The following GNAT2 variants were observed in gnomAD, a reference collection of about 807,000 sequenced individuals.
The protein encoded by GNAT2 is G protein subunit alpha transducin 2.
GNAT2 carries 32 observed loss-of-function variants against 40.9 expected under a neutral mutation model. The ratio of observed to expected loss-of-function variants is 0.78; its 90% CI spans 0.59 to 1.05. The LOEUF is 1.05. GNAT2 is among the 50% of genes least tolerant of loss of function. The pLI is 0.00. For missense variants in GNAT2, 355 were observed against 431.5 expected, an observed-to-expected ratio of 0.82 and a Z score of 1.57; for synonymous variants, 141 against 157.2, an observed-to-expected ratio of 0.90 and a Z score of 0.77.
chr1:109,616,820 A>C (rs1039839111), intron 1 of GNAT2: 1 of 152,260 alleles, frequency 6.6e-6, no homozygotes, highest in African/African-American at 2.4e-5. Context: ...ATGAAAAAAG[A>C]GGTAGAGGCA....
At position 109,610,407 on chromosome 1, in the gene GNAT2, A is replaced by C. The variant is rs538720887; in HGVS notation, c.161+58T>G. On this transcript the variant is annotated intron_variant, in intron 3 of 8. Transcript: ENST00000679935. ...AGAGCCTTTCACTTTGAATACCTCC[A>C]CTGGCTGTACTGACTTCTTCACCCT... 29 of 1,517,090 alleles carry C rather than the reference A, an allele frequency of 1.9e-5. No homozygotes were observed. The South Asian group carries it at 3.1e-4, about 16-fold the overall frequency. 94.0% of individuals were successfully genotyped at this position (1,517,090 alleles called of 1,614,324 possible).
chr1:109,612,802 C>A lies in GNAT2; in HGVS notation c.69G>T (p.Leu23=), dbSNP rs1649837486. Residue 23 remains leucine (L), a synonymous_variant, in exon 2 of 9, where the codon CTG becomes CTT. Coordinates refer to ENST00000679935, the MANE Select transcript of GNAT2 (RefSeq NM_001377295.2). ...TGGCTTCCTTATCAGCATCCTCCTG[C>A]AGCTTCTTTTCTAGCTCCTTGGACC... ...AKRSKELEKK[L]QEDADKEAKT... 6.2e-7 allele frequency: 1 copy of A among 1,613,358 alleles called. No individual in the cohort carries two copies. Among genetic ancestry groups the A allele is most frequent in the Non-Finnish European group, 8.5e-7 (1 of 1,179,286 alleles).
At position 109,610,476 on chromosome 1, in the gene GNAT2, G is replaced by A; in HGVS notation, c.150C>T (p.Val50=). 6.2e-7 allele frequency: 1 copy of A among 1,613,852 alleles called. No individual in the cohort carries two copies. Among genetic ancestry groups the A allele is most frequent in the Non-Finnish European group, 8.5e-7 (1 of 1,179,814 alleles). The change falls in exon 3 of 9, where the codon GTC becomes GTT. Residue 50 remains valine (V), a synonymous_variant. Transcript: ENST00000679935. ...TTGTTTCTACTCACTTCATCTGTTT[G>A]ACGATGGTGCTCTTTCCTGACTCCC... ...GAGESGKSTI[V]KQMKIIHQDG... is the part of the protein sequence containing the mutation.
Position 109,604,051 on chromosome 1 carries a change from G to T in GNAT2, c.774C>A (p.Phe258Leu), listed in dbSNP as rs1218328685. ...HLFNSICNHKFFAATSIVLFL... is the reference protein window; with the variant it reads ...HLFNSICNHKLFAATSIVLFL... ...AGAGGACAATGGAAGTAGCCGCAAA[G>T]AATTTGTGGTTACATATGCTGTTGA... Residue 258 changes from phenylalanine (F) to leucine (L), a missense_variant, in exon 8 of 9, where the codon TTC (phenylalanine) becomes TTA (leucine). Coordinates refer to ENST00000679935, the MANE Select transcript of GNAT2 (RefSeq NM_001377295.2). 1 of 1,609,208 alleles carries T rather than the reference G, an allele frequency of 6.2e-7. No homozygotes were observed. Among genetic ancestry groups the T allele is most frequent in the Non-Finnish European group, 8.5e-7 (1 of 1,175,636 alleles).
chr1:109,604,134 C>A (rs1488201439), intron 7 of GNAT2, 30 bp from the exon 8 acceptor site: 1 of 1,579,830 alleles, frequency 6.3e-7, no homozygotes, highest in South Asian at 1.1e-5. Flanking sequence ...TTGGAAATAT[C>A]AGATTTGGCT....
At chr1:109,616,704 T>G (rs1204666168) in intron 1 of GNAT2, 2 of 152,240 alleles carry the variant, frequency 1.3e-5, no homozygotes, top group African/African-American at 4.8e-5. Context: ...GACAAAGTTC[T>G]ACAGCGGAAG....
At chr1:109,607,904 G>A (rs1649661199) in intron 5 of GNAT2, 2 of 158,860 alleles carry the variant, frequency 1.3e-5, no homozygotes, top group Non-Finnish European at 2.8e-5. Flanking sequence ...TGAGTGCTCC[G>A]GGAACAGTAA....
In GNAT2 at chr1:109,608,422, G is replaced by C. The variant is rs563514819; in HGVS notation, c.461+209C>G. 5 of 627,322 alleles carry C rather than the reference G, an allele frequency of 8.0e-6. No homozygotes were observed. In the Admixed American group the frequency reaches 1.2e-4, roughly 15 times the overall value. 38.9% of individuals were successfully genotyped at this position (627,322 alleles called of 1,614,324 possible). The stretch of plus-strand genomic sequence containing the variant: ...GTGAGCCAGTGTAAAGCAATAGAAA[G>C]TCATGACAACTGTGGCAGATCTCCC... On this transcript the variant is annotated intron_variant, in intron 5 of 8. Transcript: ENST00000679935.
intron 1 of GNAT2, chr1:109,617,153 T>C (rs1430038611): frequency 6.6e-6 from 1 of 152,082 alleles, no homozygotes; most frequent in Non-Finnish European, 1.5e-5. Context: ...GCATAAGGTA[T>C]GGTTTGGGAA....
chr1:109,610,792 C>G (rs1008746322), intron 2 of GNAT2: 10 of 517,322 alleles, frequency 1.9e-5, no homozygotes, highest in Non-Finnish European at 3.5e-5. Flanking sequence ...CAATAGCATC[C>G]CACTTCCCTA....
intron 7 of GNAT2, chr1:109,605,478 G>T (rs991149941): frequency 6.8e-5 from 14 of 206,530 alleles, no homozygotes; most frequent in African/African-American, 3.3e-4. Flanking sequence ...AAGCTGGTCT[G>T]CCAGTCTCTC....
At chr1:109,618,517 C>T (rs1311769423) in intron 1 of GNAT2, among the ~76,000 whole-genome samples, 1 of 152,056 alleles carries the variant, frequency 6.6e-6, no homozygotes, top group Non-Finnish European at 1.5e-5. Flanking sequence ...TAATAAGAAC[C>T]TTTTTGAAAA....
At chr1:109,605,260 G>A (rs926685543) in intron 7 of GNAT2, 2 of 152,986 alleles carry the variant, frequency 1.3e-5, no homozygotes, top group Admixed American at 1.3e-4. Context: ...TGAAATTAAC[G>A]TTTTTCACGC....
At chr1:109,604,966 T>A (rs1649547840) in intron 7 of GNAT2, 1 of 152,280 alleles carries the variant, frequency 6.6e-6, no homozygotes, top group East Asian at 1.9e-4. Context: ...GAAAGTCTCA[T>A]AGACTGTAAT....
chr1:109,617,382 G>A (rs1038207508), intron 1 of GNAT2: 4 of 152,254 alleles, frequency 2.6e-5, no homozygotes, highest in African/African-American at 9.7e-5. Context: ...GAACAGGCTA[G>A]GAGGGGAGGA....
At chr1:109,614,636 A>G (rs1405814671) in intron 1 of GNAT2, 1 of 152,222 alleles carries the variant, frequency 6.6e-6, no homozygotes, top group Non-Finnish European at 1.5e-5. Context: ...AAGGTGGAGA[A>G]CTACTGAGGT....
At chr1:109,608,443 C>T (rs1396516402) in intron 5 of GNAT2, 188 bp downstream of exon 5, 2 of 655,752 alleles carry the variant, frequency 3.0e-6, no homozygotes, top group Non-Finnish European at 5.5e-6. Flanking sequence ...TGTGGCAGAT[C>T]TCCCCATAGC....
chr1:109,603,256 C>A lies in GNAT2; in HGVS notation c.*98G>T. On this transcript the variant is annotated 3_prime_UTR_variant, in exon 9 of 9. Transcript: ENST00000679935. ...ATACTCCATCTCCAAAGAATGGATTCATTCTTCATGTCATGGTATATTGAC... is the reference window on the plus strand; with the variant it reads ...ATACTCCATCTCCAAAGAATGGATTAATTCTTCATGTCATGGTATATTGAC... The A allele has an allele frequency of 1.4e-6, 1 of 736,536 alleles. No homozygotes were observed. Among genetic ancestry groups the A allele is most frequent in the East Asian group, 2.6e-5 (1 of 37,872 alleles). 45.6% of individuals were successfully genotyped at this position (736,536 alleles called of 1,614,324 possible).
rs1369562169 is a variant in GNAT2 at position 109,612,900 on chromosome 1, C to A, written c.-30G>T. Reference sequence around the variant, plus strand: ...GCCGTCTTGTCAGCTTTTTCAGGCCCCTAATCCTCTCTCGTAAGGTTTCCT... The same window carrying A: ...GCCGTCTTGTCAGCTTTTTCAGGCCACTAATCCTCTCTCGTAAGGTTTCCT... On this transcript the variant is annotated 5_prime_UTR_variant, in exon 2 of 9. Coordinates refer to ENST00000679935, the MANE Select transcript of GNAT2 (RefSeq NM_001377295.2). The A allele has an allele frequency of 4.1e-5, 57 of 1,386,440 alleles. No homozygotes were observed. The highest frequency in any genetic ancestry group is 5.8e-5 in the Non-Finnish European group (56 of 973,280). The allele number at this position is 1,386,440 out of a possible 1,614,324, so 85.9% of individuals were successfully genotyped here.
Sources: gnomAD v4.1 joint callset for allele counts (sites outside exome capture counted in the v4.1 genomes callset) on GRCh38, gnomAD v4.1.1 for gene constraint, MANE v1.5 for transcripts, NCBI Gene and HGNC (gene_info 2026-07-23, HGNC 2026-07-21) for gene names.